The following TJP1 variants were observed in gnomAD, a reference collection of about 807,000 sequenced individuals.
TJP1 encodes tight junction protein 1, also known as tight junction protein ZO-1.
In TJP1, 43 loss-of-function variants were observed where a neutral mutation model predicts 194.2. The ratio of observed to expected loss-of-function variants is 0.22; its 90% CI spans 0.17 to 0.29. The LOEUF (loss-of-function observed/expected upper bound fraction) is 0.29. TJP1 is among the 10% of genes least tolerant of loss of function. TJP1 has a pLI of 1.00. For synonymous variants in TJP1, 801 were observed against 779.0 expected, an observed-to-expected ratio of 1.03 and a Z score of -0.47; for missense variants, 1,971 against 2,185.7, an observed-to-expected ratio of 0.90 and a Z score of 1.96.
chr15:29,713,035 T>A (rs1424767904), intron 23 of TJP1, among the ~76,000 whole-genome samples: 1 of 152,202 alleles, frequency 6.6e-6, no homozygotes, highest in Non-Finnish European at 1.5e-5. Flanking sequence ...GTCTTACTGG[T>A]GAAGCTGCAT....
At chr15:29,742,925 G>C (rs1451328250) in intron 8 of TJP1, 144 bp from the exon 9 acceptor site, 8 of 647,820 alleles carry the variant, frequency 1.2e-5, no homozygotes, top group Non-Finnish European at 1.6e-5. Context: ...TAAAAACCTA[G>C]TAATTAAAAA....
chr15:29,842,521 G>A (rs2051261927), intron 2 of TJP1, among the ~76,000 whole-genome samples: 1 of 152,076 alleles, frequency 6.6e-6, no homozygotes, highest in Non-Finnish European at 1.5e-5. Context: ...CACCTCACAT[G>A]CACGGCTTTG....
chr15:29,910,011 C>T lies in TJP1; in HGVS notation c.306+46221G>A, dbSNP rs529555556. ...CAGATTTATGCTCCACAGAGGACTG[C>T]GTATCTGCATTGAAATCAGAAAACA... On this transcript the variant is annotated intron_variant, in intron 2 of 28. Transcript: ENST00000356107. 3.6e-4 allele frequency among the ~76,000 whole-genome samples: 55 copies of T among 152,248 alleles called. 4 individuals carry two copies. The highest frequency in any genetic ancestry group is 1.2e-3 in the African/African-American group (49 of 41,548).
chr15:29,738,446 C>T (rs1017171960), intron 10 of TJP1, among the ~76,000 whole-genome samples: 3 of 152,072 alleles, frequency 2.0e-5, no homozygotes, highest in Admixed American at 6.5e-5. Flanking sequence ...CTAAAGAGAT[C>T]GCCTTAACTT....
At chr15:29,873,712 T>G (rs1421475155) in intron 2 of TJP1, among the ~76,000 whole-genome samples, 1 of 152,196 alleles carries the variant, frequency 6.6e-6, no homozygotes, top group Non-Finnish European at 1.5e-5. Context: ...TTGCTCAGAC[T>G]AGGCATGGGG....
At chr15:29,968,626 C>A (rs1337316786) in intron 1 of TJP1, 1 of 998,658 alleles carries the variant, frequency 1.0e-6, no homozygotes, top group Non-Finnish European at 1.2e-6. Context: ...CCGCTCCGCG[C>A]CTAGCCCGGC....
At chr15:29,710,546 A>G (rs1025921988) in intron 24 of TJP1, among the ~76,000 whole-genome samples, 1 of 152,238 alleles carries the variant, frequency 6.6e-6, no homozygotes, top group Non-Finnish European at 1.5e-5. Flanking sequence ...AAAACATAGT[A>G]GGTTTTACAA....
At chr15:29,743,538 A>G (rs955573614) in intron 8 of TJP1, among the ~76,000 whole-genome samples, 3 of 152,156 alleles carry the variant, frequency 2.0e-5, no homozygotes, top group Non-Finnish European at 2.9e-5. Context: ...CCAGCTGGGC[A>G]ACATAGCAAA....
rs1364639751 is a variant in TJP1 at position 29,822,043 on chromosome 15, G to T, written c.-15C>A. ...CTGGCGGACATCTTGTCTCTCTCCAGCGCCGCGCGAGGCTCCTCGGACCCG... is the reference window on the plus strand; with the variant it reads ...CTGGCGGACATCTTGTCTCTCTCCATCGCCGCGCGAGGCTCCTCGGACCCG... On this transcript the variant is annotated 5_prime_UTR_variant, in exon 1 of 28. The change creates a new upstream start codon in the 5' untranslated region. Transcript: ENST00000614355. 10 of 1,318,876 alleles carry T rather than the reference G, an allele frequency of 7.6e-6. No homozygotes were observed. Among genetic ancestry groups the T allele is most frequent in the Non-Finnish European group, 9.7e-6 (10 of 1,033,056 alleles). The allele number at this position is 1,318,876 out of a possible 1,614,324, so 81.7% of individuals were successfully genotyped here.
At position 29,834,020 on chromosome 15, in the gene TJP1, T is replaced by C. The variant is rs1279871424; in HGVS notation, c.307-33318A>G. Among the ~76,000 whole-genome samples the C allele has an allele frequency of 2.4e-3, 7 of 2,876 alleles. No individual in the cohort carries two copies. The Admixed American group carries it at 0.028, about 11-fold the overall frequency. The allele number at this position is 2,876 out of a possible 152,430, so 1.9% of individuals were successfully genotyped here. ...GCCTCAGCCTCCTGAGTAGCTGGGA[T>C]ACAGGCGCCCGCCACCACGCCCGGC... On this transcript the variant is annotated intron_variant, in intron 2 of 28. Transcript: ENST00000356107.
At chr15:29,891,432 T>C (rs2053305261) in intron 2 of TJP1, among the ~76,000 whole-genome samples, 1 of 152,228 alleles carries the variant, frequency 6.6e-6, no homozygotes, top group African/African-American at 2.4e-5. Context: ...TAGTTTGTCT[T>C]TCTATTCTTC....
chr15:29,752,353 C>T (rs570960643), intron 8 of TJP1, among the ~76,000 whole-genome samples: 66 of 152,256 alleles, frequency 4.3e-4, no homozygotes, highest in Admixed American at 3.9e-3. Flanking sequence ...TCTTGCCCAC[C>T]TTGGCCTCCC....
chr15:29,889,507 G>A (rs368921827), intron 2 of TJP1, among the ~76,000 whole-genome samples: 1 of 152,144 alleles, frequency 6.6e-6, no homozygotes, highest in African/African-American at 2.4e-5. Context: ...AATTGAAAAG[G>A]AAAAGAAAAA....
chr15:29,928,569 G>C (rs1359749179), intron 2 of TJP1, among the ~76,000 whole-genome samples: 1 of 152,176 alleles, frequency 6.6e-6, no homozygotes, highest in Non-Finnish European at 1.5e-5. Flanking sequence ...AAGAGACATA[G>C]ACAAGATAAC....
At chr15:29,782,626 T>C (rs970138421) in intron 2 of TJP1, among the ~76,000 whole-genome samples, 3 of 152,104 alleles carry the variant, frequency 2.0e-5, no homozygotes, top group African/African-American at 4.8e-5. Flanking sequence ...ATTCTGGACA[T>C]AGGAACTGGC....
chr15:29,784,836 G>A (rs891721806), intron 2 of TJP1, among the ~76,000 whole-genome samples: 2 of 152,096 alleles, frequency 1.3e-5, no homozygotes, highest in African/African-American at 4.8e-5. Context: ...GTTAAATGAT[G>A]TAACAGCTAT....
intron 2 of TJP1, among the ~76,000 whole-genome samples, chr15:29,952,232 A>C (rs2055775417): frequency 6.6e-6 from 1 of 152,220 alleles, no homozygotes; most frequent in Non-Finnish European, 1.5e-5. Flanking sequence ...TCTAGGCAAA[A>C]CACATACACA....
intron 2 of TJP1, among the ~76,000 whole-genome samples, chr15:29,927,848 G>A (rs1054559039): frequency 6.6e-6 from 1 of 152,166 alleles, no homozygotes; most frequent in East Asian, 1.9e-4. Flanking sequence ...GATCCTGAAG[G>A]GGTACTCTTT....
intron 2 of TJP1, among the ~76,000 whole-genome samples, chr15:29,910,266 C>T (rs2053972126): frequency 6.6e-6 from 1 of 152,192 alleles, no homozygotes; most frequent in Non-Finnish European, 1.5e-5. Flanking sequence ...TTTCTATGTA[C>T]ACTCACTTTC....
Sources: gnomAD v4.1 joint callset for allele counts (sites outside exome capture counted in the v4.1 genomes callset) on GRCh38, gnomAD v4.1.1 for gene constraint, MANE v1.5 for transcripts, NCBI Gene and HGNC (gene_info 2026-07-23, HGNC 2026-07-21) for gene names.